Variants in PAM observed in about 807,000 individuals in gnomAD.
PAM encodes the protein peptidyl-glycine alpha-amidating monooxygenase.
In PAM, 72 loss-of-function variants were observed where a neutral mutation model predicts 122.1. The observed-to-expected ratio is 0.59, with a 90% CI of 0.49 to 0.72. The LOEUF is 0.72. Ranked by LOEUF, PAM falls within the 30% of genes least tolerant of loss-of-function variation. PAM has a pLI of 0.00. For missense variants in PAM, 1,106 were observed against 1,183.7 expected, an observed-to-expected ratio of 0.93 and a Z score of 0.96; for synonymous variants, 389 against 404.4, an observed-to-expected ratio of 0.96 and a Z score of 0.46.
chr5:102,899,420 A>G (rs1309850719), intron 3 of PAM, among the ~76,000 whole-genome samples: 1 of 151,650 alleles, frequency 6.6e-6, no homozygotes, highest in Admixed American at 6.6e-5. Flanking sequence ...TCCAAAAACA[A>G]TGAGATAACT....
intron 1 of PAM, among the ~76,000 whole-genome samples, chr5:102,817,369 C>T (rs1340531669): frequency 1.3e-5 from 2 of 151,328 alleles, no homozygotes; most frequent in African/African-American, 2.4e-5. Context: ...ATGGCTAGTC[C>T]CAATTAAAAT....
At chr5:102,968,155 G>A (rs1764686298) in intron 14 of PAM, among the ~76,000 whole-genome samples, 1 of 152,182 alleles carries the variant, frequency 6.6e-6, no homozygotes, top group Admixed American at 6.5e-5. Context: ...CCCAGTTAAA[G>A]AATAAACCTA....
Position 102,771,562 on chromosome 5 carries a change from C to G in PAM, c.-374+16214C>G, listed in dbSNP as rs949297730. ...TTGGTGAAGATGTGTCTGGCTTCTT[C>G]TCCTAAATACTTTGTCTTCATGTCT... is the stretch of plus-strand genomic sequence containing the variant. On this transcript the variant is annotated intron_variant, in intron 1 of 25. Transcript: ENST00000438793. Among the ~76,000 whole-genome samples the G allele has an allele frequency of 1.0e-3, 159 of 152,224 alleles. 1 individual carries two copies. Among genetic ancestry groups the G allele is most frequent in the East Asian group, 7.8e-4 (4 of 5,160 alleles).
At chr5:102,796,282 C>T (rs1249544646) in intron 1 of PAM, among the ~76,000 whole-genome samples, 1 of 152,124 alleles carries the variant, frequency 6.6e-6, no homozygotes, top group Non-Finnish European at 1.5e-5. Flanking sequence ...TGTTAGGAAC[C>T]AGGTTTGTCG....
At chr5:102,954,198 G>C (rs1346987080) in intron 12 of PAM, among the ~76,000 whole-genome samples, 2 of 151,772 alleles carry the variant, frequency 1.3e-5, no homozygotes, top group Non-Finnish European at 2.9e-5. Context: ...GTGGTTTTTT[G>C]TTACATGGAT....
chr5:102,832,369 C>A (rs542392592), intron 1 of PAM, among the ~76,000 whole-genome samples: 1 of 152,078 alleles, frequency 6.6e-6, no homozygotes, highest in South Asian at 2.1e-4. Flanking sequence ...TTCTTTGATT[C>A]CTATGTACAG....
At chr5:102,797,226 A>G (rs1391455644) in intron 1 of PAM, among the ~76,000 whole-genome samples, 1 of 152,196 alleles carries the variant, frequency 6.6e-6, no homozygotes, top group Admixed American at 6.5e-5. Context: ...AACAACAGCC[A>G]TGGAACTGGT....
At chr5:102,788,053 A>G (rs1030953224) in intron 1 of PAM, among the ~76,000 whole-genome samples, 1 of 152,124 alleles carries the variant, frequency 6.6e-6, no homozygotes, top group African/African-American at 2.4e-5. Context: ...GTCCTATTTC[A>G]GTTCACTTGC....
chr5:102,811,975 G>T (rs750896584), intron 1 of PAM, among the ~76,000 whole-genome samples: 2 of 152,194 alleles, frequency 1.3e-5, no homozygotes, highest in African/African-American at 4.8e-5. Context: ...AAACAAAACT[G>T]ATTTGGGACT....
At chr5:102,801,954 A>G (rs998680344) in intron 1 of PAM, among the ~76,000 whole-genome samples, 15 of 149,712 alleles carry the variant, frequency 1.0e-4, no homozygotes, top group African/African-American at 2.2e-4. Context: ...AATTTTTTGT[A>G]TTTTTAGTAG....
intron 16 of PAM, among the ~76,000 whole-genome samples, chr5:102,992,501 T>C (rs575444044): frequency 6.6e-6 from 1 of 152,264 alleles, no homozygotes; most frequent in African/African-American, 2.4e-5. Flanking sequence ...TTTAGGAAAA[T>C]AAATTTGGAT....
chr5:102,755,776 C>T (rs1750063015), intron 1 of PAM, among the ~76,000 whole-genome samples: 1 of 151,958 alleles, frequency 6.6e-6, no homozygotes, highest in African/African-American at 2.4e-5. Context: ...CTCGGTTCTC[C>T]GCCCGCCCTT....
At chr5:102,758,449 G>T (rs1375266309) in intron 1 of PAM, among the ~76,000 whole-genome samples, 2 of 152,130 alleles carry the variant, frequency 1.3e-5, no homozygotes, top group Admixed American at 6.5e-5. Flanking sequence ...CGTGTCATCT[G>T]GTATAATAGC....
At chr5:102,755,591 A>C (rs1210415343) in intron 1 of PAM, 3 of 152,212 alleles carry the variant, frequency 2.0e-5, no homozygotes, top group African/African-American at 7.2e-5. Flanking sequence ...AACCTCTCTC[A>C]CGACCCTTCA....
intron 1 of PAM, among the ~76,000 whole-genome samples, chr5:102,783,015 G>A (rs1759474182): frequency 6.6e-6 from 1 of 150,620 alleles, no homozygotes; most frequent in African/African-American, 2.5e-5. Context: ...TGTATGTCAG[G>A]GTGTATTTCT....
chr5:102,897,446 T>G (rs925390777), intron 3 of PAM, among the ~76,000 whole-genome samples: 1 of 151,710 alleles, frequency 6.6e-6, no homozygotes, highest in African/African-American at 2.4e-5. Context: ...ATATACATGG[T>G]GAAATTATTA....
chr5:102,928,130 T>C lies in PAM; in HGVS notation c.526+1462T>C, dbSNP rs538470285. ...CCTTTCCAGATCACCACAACTAAAG[T>C]AGCTCATCATACTGGCGCAGGTTCC... is the stretch of plus-strand genomic sequence containing the variant. On this transcript the variant is annotated intron_variant, in intron 7 of 25. Coordinates refer to ENST00000438793, the MANE Select transcript of PAM (RefSeq NM_001177306.2). Among the ~76,000 whole-genome samples the C allele has an allele frequency of 8.5e-5, 13 of 152,270 alleles. No homozygotes were observed. In the South Asian group the frequency reaches 2.1e-3, roughly 24 times the overall value.
rs114358073 is a variant in PAM at position 102,856,962 on chromosome 5, A to G, written c.-373-8861A>G. Among the ~76,000 whole-genome samples the G allele has an allele frequency of 2.2e-3, 328 of 152,226 alleles. 1 individual carries two copies. Among genetic ancestry groups the G allele is most frequent in the African/African-American group, 7.5e-3 (313 of 41,542 alleles). On this transcript the variant is annotated intron_variant, in intron 1 of 25. Coordinates refer to ENST00000438793, the MANE Select transcript of PAM (RefSeq NM_001177306.2). Reference sequence around the variant, plus strand: ...CTTAAAAAACAAACCAACAACAACAACAACAAAAAACAGCAACTTGGTACA... The same window carrying G: ...CTTAAAAAACAAACCAACAACAACAGCAACAAAAAACAGCAACTTGGTACA...
In PAM at chr5:102,996,278, G is replaced by C. The variant is rs80019531; in HGVS notation, c.1613+5877G>C. Among the ~76,000 whole-genome samples the C allele has an allele frequency of 2.3e-3, 348 of 152,256 alleles. 3 individuals carry two copies. Among genetic ancestry groups the C allele is most frequent in the African/African-American group, 8.2e-3 (342 of 41,548 alleles). On this transcript the variant is annotated intron_variant, in intron 16 of 25. Coordinates refer to ENST00000438793, the MANE Select transcript of PAM (RefSeq NM_001177306.2). ...CCAGAGAAACAAAGAAAAATCAAAA[G>C]TGCTCCAGGCACTGTGTGAAATGTT...
Sources: gnomAD v4.1 joint callset for allele counts (sites outside exome capture counted in the v4.1 genomes callset) on GRCh38, gnomAD v4.1.1 for gene constraint, MANE v1.5 for transcripts, NCBI Gene and HGNC (gene_info 2026-07-23, HGNC 2026-07-21) for gene names.